KCNH1: variants seen among roughly 807,000 people sequenced by gnomAD.
KCNH1 encodes voltage-gated delayed rectifier potassium channel KCNH1.
KCNH1 carries 27 observed loss-of-function variants against 69.2 expected under a neutral mutation model. The ratio of observed to expected loss-of-function variants is 0.39; its 90% CI spans 0.29 to 0.54. The LOEUF is 0.54. KCNH1 is among the 20% of genes least tolerant of loss of function. The probability of loss-of-function intolerance (pLI) is 0.68; values close to 1 mark genes in which losing one functional copy is unlikely to be tolerated. For synonymous variants in KCNH1, 456 were observed against 487.7 expected, an observed-to-expected ratio of 0.93 and a Z score of 0.86; for missense variants, 798 against 1,261.6, an observed-to-expected ratio of 0.63 and a Z score of 5.57.
At chr1:210,693,743 CT>C (rs1462389443) in intron 10 of KCNH1, among the ~76,000 whole-genome samples, 2 of 152,214 alleles carry the variant, frequency 1.3e-5, no homozygotes, top group African/African-American at 4.8e-5. Context: ...CCCACCTATA[CT>C]GGTGGCCATC....
At chr1:210,849,365 CTTTTTT>C (rs150451228) in intron 7 of KCNH1, among the ~76,000 whole-genome samples, 3 of 128,040 alleles carry the variant, frequency 2.3e-5, no homozygotes, top group Non-Finnish European at 4.9e-5. Flanking sequence ...TTCTTTCTTT[CTTTTTT>C]TTTTTTTTTT....
chr1:211,126,285 C>A (rs748961010), intron 1 of KCNH1, among the ~76,000 whole-genome samples: 2 of 152,032 alleles, frequency 1.3e-5, no homozygotes, highest in Non-Finnish European at 2.9e-5. Flanking sequence ...CTGAGGCGGG[C>A]GGATCACAAG....
chr1:210,908,550 G>A (rs907338285), intron 7 of KCNH1, among the ~76,000 whole-genome samples: 9 of 152,184 alleles, frequency 5.9e-5, no homozygotes, highest in South Asian at 4.2e-4. Flanking sequence ...CAACAGCCTC[G>A]ATCACTTTGT....
At chr1:210,701,006 C>T (rs190465374) in intron 10 of KCNH1, among the ~76,000 whole-genome samples, 9,799 of 152,066 alleles carry the variant, frequency 0.064, 443 homozygotes, top group Middle Eastern at 0.1. Flanking sequence ...GGCGCGATCT[C>T]GGCTCACTGC....
intron 6 of KCNH1, among the ~76,000 whole-genome samples, chr1:210,970,243 G>T (rs952676031): frequency 5.3e-5 from 8 of 151,784 alleles, no homozygotes; most frequent in African/African-American, 1.9e-4. Context: ...TTAGCTATTT[G>T]TCCTGATATT....
At chr1:210,795,098 T>A (rs1322734965) in intron 9 of KCNH1, among the ~76,000 whole-genome samples, 1 of 151,846 alleles carries the variant, frequency 6.6e-6, no homozygotes, top group Non-Finnish European at 1.5e-5. Flanking sequence ...TCAGCCTCCA[T>A]TCCCCACCCA....
At chr1:210,812,256 A>T (rs1465467412) in intron 7 of KCNH1, among the ~76,000 whole-genome samples, 1 of 152,188 alleles carries the variant, frequency 6.6e-6, no homozygotes. Context: ...TGACTTACCT[A>T]TTAAGAGCCA....
chr1:211,070,272 G>A (rs1041159628), intron 5 of KCNH1, among the ~76,000 whole-genome samples: 10 of 151,224 alleles, frequency 6.6e-5, no homozygotes, highest in Non-Finnish European at 1.2e-4. Context: ...CAAAAAATAA[G>A]CCGGGCGTAG....
intron 1 of KCNH1, among the ~76,000 whole-genome samples, chr1:211,126,091 G>A (rs905106752): frequency 7.2e-5 from 11 of 152,318 alleles, no homozygotes; most frequent in Admixed American, 2.0e-4. Flanking sequence ...GCAGCAGGGC[G>A]CAGTGGCTCA....
intron 10 of KCNH1, among the ~76,000 whole-genome samples, chr1:210,694,225 A>G (rs1681588174): frequency 6.6e-6 from 1 of 152,144 alleles, no homozygotes; most frequent in Non-Finnish European, 1.5e-5. Context: ...AGACTGCCAC[A>G]TAGGACATAT....
chr1:210,987,917 G>A (rs540562390), intron 6 of KCNH1, among the ~76,000 whole-genome samples: 25 of 152,354 alleles, frequency 1.6e-4, no homozygotes, highest in African/African-American at 5.3e-4. Flanking sequence ...TCCTTGAGCT[G>A]TAGTGGGCTC....
chr1:211,031,961 A>G (rs977922446), intron 5 of KCNH1, among the ~76,000 whole-genome samples: 1 of 152,194 alleles, frequency 6.6e-6, no homozygotes, highest in Non-Finnish European at 1.5e-5. Context: ...GGAAAAGAGG[A>G]AGTCAAATTG....
chr1:211,050,714 G>A (rs912612537), intron 5 of KCNH1, among the ~76,000 whole-genome samples: 2 of 152,098 alleles, frequency 1.3e-5, no homozygotes, highest in Non-Finnish European at 2.9e-5. Flanking sequence ...GTGAGGCTGG[G>A]TCACAGAAAT....
chr1:210,872,514 G>A (rs1343861151), intron 7 of KCNH1, among the ~76,000 whole-genome samples: 3 of 152,142 alleles, frequency 2.0e-5, no homozygotes, highest in Non-Finnish European at 4.4e-5. Flanking sequence ...AAAGAAAAGA[G>A]GTTTAATTGT....
At chr1:210,860,257 G>GCT (rs1685949040) in intron 7 of KCNH1, 1 of 1,469,662 alleles carries the variant, frequency 6.8e-7, no homozygotes, top group Admixed American at 1.7e-5. Flanking sequence ...AAATACAAGG[G>GCT]GTAGTAGCTG....
At chr1:211,039,522 G>A (rs768063974) in intron 5 of KCNH1, among the ~76,000 whole-genome samples, 3 of 152,104 alleles carry the variant, frequency 2.0e-5, no homozygotes, top group Admixed American at 6.5e-5. Context: ...GACACTCAAC[G>A]CCAGCCCATT....
intron 6 of KCNH1, among the ~76,000 whole-genome samples, chr1:210,988,422 C>A (rs1477483935): frequency 2.0e-5 from 3 of 152,190 alleles, no homozygotes; most frequent in Non-Finnish European, 4.4e-5. Flanking sequence ...GCCATCTTGG[C>A]TCCTCCCCCT....
intron 6 of KCNH1, among the ~76,000 whole-genome samples, chr1:210,941,239 T>G (rs1687870431): frequency 6.6e-6 from 1 of 152,162 alleles, no homozygotes; most frequent in South Asian, 2.1e-4. Flanking sequence ...GCAATCGAAT[T>G]TGGCCTTTAA....
chr1:210,977,507 G>A lies in KCNH1; in HGVS notation c.1032+41276C>T, dbSNP rs117653690. Among the ~76,000 whole-genome samples the A allele has an allele frequency of 4.2e-3, 640 of 151,094 alleles. 5 individuals are homozygous for A. Among genetic ancestry groups the A allele is most frequent in the East Asian group, 0.03 (154 of 5,144 alleles). On this transcript the variant is annotated intron_variant, in intron 6 of 10. Coordinates refer to ENST00000271751, the MANE Select transcript of KCNH1 (RefSeq NM_172362.3). ...CCCCATCACTCCACCCTCAGCTCCC[G>A]GTAACCACCATTCTACTCTCTGCTT...
Sources: allele counts gnomAD v4.1 joint callset (sites outside exome capture counted in the v4.1 genomes callset), GRCh38; gene constraint gnomAD v4.1.1; transcripts MANE v1.5; gene names NCBI Gene and HGNC (gene_info 2026-07-23, HGNC 2026-07-21).